Variants in PDE10A observed in about 807,000 individuals in gnomAD.
PDE10A encodes the protein cAMP and cAMP-inhibited cGMP 3',5'-cyclic phosphodiesterase 10A.
In PDE10A, 39 loss-of-function variants were observed where a neutral mutation model predicts 97.7. The ratio of observed to expected loss-of-function variants is 0.40; its 90% CI spans 0.31 to 0.52. PDE10A has a LOEUF of 0.52. Ranked by LOEUF, PDE10A falls within the 20% of genes least tolerant of loss-of-function variation. The pLI is 0.56. For missense variants in PDE10A, 731 were observed against 1,047.8 expected, an observed-to-expected ratio of 0.70 and a Z score of 4.17; for synonymous variants, 371 against 376.8, an observed-to-expected ratio of 0.98 and a Z score of 0.18.
intron 1 of PDE10A, among the ~76,000 whole-genome samples, chr6:165,890,573 T>G (rs1253365696): frequency 6.6e-6 from 1 of 152,180 alleles, no homozygotes; most frequent in Admixed American, 6.5e-5. Flanking sequence ...TACAAGTCAT[T>G]CTTCCTCCTC....
chr6:165,836,326 T>G (rs1780062251), intron 1 of PDE10A, among the ~76,000 whole-genome samples: 1 of 152,072 alleles, frequency 6.6e-6, no homozygotes, highest in Admixed American at 6.5e-5. Context: ...GTGACAAGAG[T>G]CTAGCGCCCA....
rs551490178 is a variant in PDE10A, at chr6:165,501,509, C to T, written c.995-19166G>A. ...AATGGCGTGAACCCAGGAGGTGGAG[C>T]TTGCAGTGAGCAGAGATCGCGCCAC... On this transcript the variant is annotated intron_variant, in intron 2 of 21. Transcript: ENST00000539869. 1.3e-3 allele frequency among the ~76,000 whole-genome samples: 203 copies of T among 151,524 alleles called. No individual in the cohort carries two copies. The Middle Eastern group carries it at 0.014, about 10-fold the overall frequency.
intron 1 of PDE10A, among the ~76,000 whole-genome samples, chr6:165,675,615 C>T (rs1251425030): frequency 3.3e-5 from 5 of 152,204 alleles, no homozygotes; most frequent in Non-Finnish European, 7.3e-5. Context: ...TCCCAAATCA[C>T]ATCAGGCTAG....
At chr6:165,930,279 C>T (rs1393987928) in intron 1 of PDE10A, among the ~76,000 whole-genome samples, 8 of 152,174 alleles carry the variant, frequency 5.3e-5, no homozygotes, top group Admixed American at 2.0e-4. Context: ...CATTCATAGC[C>T]CTTTTCACCT....
chr6:165,868,304 A>T (rs960757723), intron 1 of PDE10A, among the ~76,000 whole-genome samples: 1 of 152,040 alleles, frequency 6.6e-6, no homozygotes, highest in African/African-American at 2.4e-5. Context: ...AGAAGGCCCA[A>T]ATAAATAAAA....
chr6:165,341,855 G>C (rs751713291), intron 19 of PDE10A, among the ~76,000 whole-genome samples: 1 of 152,154 alleles, frequency 6.6e-6, no homozygotes, highest in East Asian at 1.9e-4. Context: ...ACAATTTACT[G>C]GAGAGACGAA....
chr6:165,750,059 G>A (rs974095642), intron 1 of PDE10A, among the ~76,000 whole-genome samples: 1 of 152,168 alleles, frequency 6.6e-6, no homozygotes, highest in Non-Finnish European at 1.5e-5. Context: ...GGGGGTATGT[G>A]AGGCCTGCTG....
At chr6:165,757,840 T>C (rs1793153027) in intron 1 of PDE10A, among the ~76,000 whole-genome samples, 1 of 152,216 alleles carries the variant, frequency 6.6e-6, no homozygotes, top group South Asian at 2.1e-4. Context: ...TTATGTTTAT[T>C]AGAATGATGA....
chr6:165,465,070 C>A (rs1047402546), intron 3 of PDE10A, among the ~76,000 whole-genome samples: 1 of 152,128 alleles, frequency 6.6e-6, no homozygotes, highest in Admixed American at 6.5e-5. Context: ...TTTAACTTTA[C>A]AAGAAGTTAC....
chr6:165,532,845 T>G (rs1353453478), intron 2 of PDE10A, among the ~76,000 whole-genome samples: 1 of 152,196 alleles, frequency 6.6e-6, no homozygotes, highest in Non-Finnish European at 1.5e-5. Context: ...TTTATAAATC[T>G]ACACCATCCC....
At chr6:165,552,418 G>A (rs895148846) in intron 1 of PDE10A, among the ~76,000 whole-genome samples, 2 of 152,208 alleles carry the variant, frequency 1.3e-5, no homozygotes, top group Non-Finnish European at 2.9e-5. Flanking sequence ...CCAGGCCACT[G>A]TGCCTAGACT....
At chr6:165,574,027 G>C (rs1167414648) in intron 1 of PDE10A, among the ~76,000 whole-genome samples, 1 of 152,234 alleles carries the variant, frequency 6.6e-6, no homozygotes, top group Non-Finnish European at 1.5e-5. Flanking sequence ...GTAATTGTGA[G>C]AGTGTAGGTT....
At position 165,744,646 on chromosome 6, in the gene PDE10A, A is replaced by G. The variant is rs116500410; in HGVS notation, c.-614-201078T>C. On this transcript the variant is annotated intron_variant, in intron 1 of 19. Transcript: ENST00000366882. The stretch of plus-strand genomic sequence containing the variant: ...ACTGAAAATTCACTGGGGAGTCATT[A>G]TCTTGTTTATGGTGAACACTCATGT... Among the ~76,000 whole-genome samples, 721 of 152,098 alleles carry G rather than the reference A, an allele frequency of 4.7e-3. 4 individuals carry two copies. Among genetic ancestry groups the G allele is most frequent in the African/African-American group, 0.016 (677 of 41,440 alleles).
intron 1 of PDE10A, among the ~76,000 whole-genome samples, chr6:165,972,884 A>T (rs1583377565): frequency 1.3e-5 from 2 of 152,198 alleles, no homozygotes; most frequent in African/African-American, 4.8e-5. Context: ...GTTTGACAAG[A>T]GTACCAAATA....
intron 1 of PDE10A, among the ~76,000 whole-genome samples, chr6:165,725,076 C>T (rs905810964): frequency 3.3e-5 from 5 of 152,276 alleles, no homozygotes; most frequent in South Asian, 4.1e-4. Context: ...GAGGAGAGTC[C>T]GGCTGCTGAG....
intron 19 of PDE10A, among the ~76,000 whole-genome samples, chr6:165,342,413 C>T (rs781105046): frequency 6.6e-5 from 10 of 152,304 alleles, no homozygotes; most frequent in African/African-American, 9.6e-5. Context: ...TGCGAGACCA[C>T]GCATATGCGA....
intron 1 of PDE10A, chr6:165,949,895 G>T (rs1284245096): frequency 1.3e-5 from 2 of 152,160 alleles, no homozygotes; most frequent in Admixed American, 1.3e-4. Flanking sequence ...TTTTGTTGAT[G>T]ATAGGAAGTA....
chr6:165,575,664 C>G (rs1019474098), intron 1 of PDE10A, among the ~76,000 whole-genome samples: 1 of 152,200 alleles, frequency 6.6e-6, no homozygotes, highest in African/African-American at 2.4e-5. Flanking sequence ...ACCCATCACA[C>G]CTTCTATTTT....
At chr6:165,459,829 A>G (rs904878390) in intron 3 of PDE10A, among the ~76,000 whole-genome samples, 2 of 152,162 alleles carry the variant, frequency 1.3e-5, no homozygotes, top group Non-Finnish European at 2.9e-5. Context: ...CGTTTCCTGG[A>G]GCTTGCTTTA....
Sources: gnomAD v4.1 joint callset for allele counts (sites outside exome capture counted in the v4.1 genomes callset) on GRCh38, gnomAD v4.1.1 for gene constraint, MANE v1.5 for transcripts, NCBI Gene and HGNC (gene_info 2026-07-23, HGNC 2026-07-21) for gene names.